Variants in PNPLA7 observed in about 807,000 individuals in gnomAD.
The protein encoded by PNPLA7 is patatin-like phospholipase domain-containing protein 7.
Under a neutral mutation model 161.7 loss-of-function variants are expected in PNPLA7, and 153 were observed. That is an observed-to-expected ratio of 0.95 (90% CI 0.83 to 1.08). The LOEUF is 1.08. PNPLA7 is among the 50% of genes least tolerant of loss of function. The pLI is 0.00. For missense variants in PNPLA7, 1,739 were observed against 1,856.6 expected, an observed-to-expected ratio of 0.94 and a Z score of 1.16; for synonymous variants, 809 against 782.1, an observed-to-expected ratio of 1.03 and a Z score of -0.57.
rs1196354176 is a variant in PNPLA7 at position 137,499,563 on chromosome 9, C to T, written c.1757+1128G>A. ...GTGGAGGGACCGGGACTTGGAGCCTCAGTCTCCCCATCAGCACGCTGCGGT... is the reference window on the plus strand; with the variant it reads ...GTGGAGGGACCGGGACTTGGAGCCTTAGTCTCCCCATCAGCACGCTGCGGT... On this transcript the variant is annotated intron_variant, in intron 16 of 34. Transcript: ENST00000406427. This position sits in a 1 kb window ranked among gnomAD's most constrained non-coding sequence, Gnocchi z 5.5. 6.6e-6 allele frequency among the ~76,000 whole-genome samples: 1 copy of T among 152,198 alleles called. No homozygotes were observed.
rs183064535 is a variant in PNPLA7, at chr9:137,522,100, T to A, written c.877-384A>T. Among the ~76,000 whole-genome samples the A allele has an allele frequency of 3.3e-3, 496 of 152,278 alleles. 5 individuals are homozygous for A. The highest frequency in any genetic ancestry group is 3.1e-3 in the East Asian group (16 of 5,186). On this transcript the variant is annotated intron_variant, in intron 9 of 34. Coordinates refer to ENST00000406427, the MANE Select transcript of PNPLA7 (RefSeq NM_001098537.3). ...ATATTACAATTTTTTTTTGACATGG[T>A]GTCTCGCTATGCCGCCCAGGCTGGA...
At chr9:137,498,034 G>A (rs572360001) in intron 17 of PNPLA7, 80 bp downstream of exon 17, 93 of 1,554,452 alleles carry the variant, frequency 6.0e-5, no homozygotes, top group Admixed American at 1.2e-4. Flanking sequence ...TGGTTTCCAC[G>A]GTAACCGTGC....
chr9:137,517,207 C>A (rs1343596299), intron 11 of PNPLA7, among the ~76,000 whole-genome samples: 1 of 129,218 alleles, frequency 7.7e-6, no homozygotes, highest in Admixed American at 7.4e-5. Context: ...CTCCATCCCC[C>A]GTCACTCACT....
rs553076995 is a variant in PNPLA7 at position 137,523,224 on chromosome 9, C to A, written c.748-367G>T. ...TCTACGTCCGACATCAGCGTCGGTACCCCTCGCCAAAGGGCGTGCCAGACA... is the reference window on the plus strand; with the variant it reads ...TCTACGTCCGACATCAGCGTCGGTAACCCTCGCCAAAGGGCGTGCCAGACA... On this transcript the variant is annotated intron_variant, in intron 8 of 34. Transcript: ENST00000406427. The surrounding 1 kb of genome is among the most constrained non-coding windows in gnomAD (Gnocchi z 4.4). Among the ~76,000 whole-genome samples, 26 of 152,266 alleles carry A rather than the reference C, an allele frequency of 1.7e-4. No homozygotes were observed. The East Asian group carries it at 2.7e-3, about 16-fold the overall frequency.
At chr9:137,536,278 G>A (rs1275470605) in intron 8 of PNPLA7, among the ~76,000 whole-genome samples, 1 of 152,166 alleles carries the variant, frequency 6.6e-6, no homozygotes, top group African/African-American at 2.4e-5. Flanking sequence ...GGAAGTGAAT[G>A]GAGGATTTGC....
At chr9:137,503,755 A>G (rs1364609969) in intron 14 of PNPLA7, among the ~76,000 whole-genome samples, 21 of 69,664 alleles carry the variant, frequency 3.0e-4, no homozygotes, top group African/African-American at 1.4e-3. Context: ...AAGAAGAAAG[A>G]AAAGAAAGAA....
chr9:137,483,769 T>C (rs1414161281), intron 21 of PNPLA7, among the ~76,000 whole-genome samples: 1 of 151,942 alleles, frequency 6.6e-6, no homozygotes, highest in African/African-American at 2.4e-5. Context: ...GAATAACTTA[T>C]AAGTATTCGA....
rs139090762 is a variant in PNPLA7 at position 137,522,127 on chromosome 9, T to A, written c.877-411A>T. Among the ~76,000 whole-genome samples the A allele has an allele frequency of 9.6e-3, 1,462 of 152,302 alleles. 13 individuals carry two copies. Among genetic ancestry groups the A allele is most frequent in the Non-Finnish European group, 0.014 (966 of 68,020 alleles). ...TCTCGCTATGCCGCCCAGGCTGGAG[T>A]GCAGTGGCACCATCTCGGCTCACTG... On this transcript the variant is annotated intron_variant, in intron 9 of 34. Coordinates refer to ENST00000406427, the MANE Select transcript of PNPLA7 (RefSeq NM_001098537.3).
At chr9:137,478,387 AAGAGAGTGGGCCCGGGTGGGGGGCC>A (rs1390412591) in intron 24 of PNPLA7, 41 of 373,538 alleles carry the variant, frequency 1.1e-4, no homozygotes, top group East Asian at 2.7e-4. Context: ...GTACGTGGGC[AAGAGAGTGGGCCCGGGTGGGGGGCC>A]AGAGAGTGGG....
intron 12 of PNPLA7, chr9:137,509,234 C>T (rs1834075639): frequency 6.5e-6 from 1 of 154,914 alleles, no homozygotes; most frequent in African/African-American, 2.4e-5. Context: ...GTGAGTTTAG[C>T]TGGCGTGAAT....
At chr9:137,511,432 C>T (rs979778034) in intron 12 of PNPLA7, among the ~76,000 whole-genome samples, 9 of 147,446 alleles carry the variant, frequency 6.1e-5, no homozygotes, top group African/African-American at 7.6e-5. Flanking sequence ...CTTGGCCTGG[C>T]GGTAGCGCCA....
chr9:137,482,354 C>A (rs1034168462), intron 21 of PNPLA7, among the ~76,000 whole-genome samples: 1 of 152,228 alleles, frequency 6.6e-6, no homozygotes, highest in Non-Finnish European at 1.5e-5. Context: ...AGTAGATGAA[C>A]AGATCAACTG....
In PNPLA7 at chr9:137,540,789, T is replaced by C. The variant is rs1836157883; in HGVS notation, c.667-67A>G. On this transcript the variant is annotated intron_variant, in intron 7 of 34. Transcript: ENST00000406427. This position sits in a 1 kb window ranked among gnomAD's most constrained non-coding sequence, Gnocchi z 5.1. ...TGCGACCGCGGGGCCTGGCGGAGGC[T>C]CAGCCCAGCCCAGGGCAGTGGGGCC... 4.1e-6 allele frequency: 6 copies of C among 1,461,266 alleles called. No individual in the cohort carries two copies. The highest frequency in any genetic ancestry group is 5.6e-6 in the Non-Finnish European group (6 of 1,069,068). The allele number at this position is 1,461,266 out of a possible 1,614,324, so 90.5% of individuals were successfully genotyped here. A position where few individuals can be genotyped will look rare whatever the true frequency, so the allele number is the denominator to read the frequency against.
chr9:137,528,000 A>G (rs28875616), intron 8 of PNPLA7, among the ~76,000 whole-genome samples: 35,725 of 152,132 alleles, frequency 0.23, 4,852 homozygotes, highest in East Asian at 0.67. Context: ...GAATTTGTCA[A>G]TTTAATCTGC....
At chr9:137,472,828 G>A (rs774277663) in intron 25 of PNPLA7, among the ~76,000 whole-genome samples, 1 of 151,608 alleles carries the variant, frequency 6.6e-6, no homozygotes, top group Non-Finnish European at 1.5e-5. Context: ...GGTGCCACAT[G>A]CCTATAATCC....
chr9:137,506,141 G>T, intron 12 of PNPLA7, 58 bp from the exon 13 acceptor site: 1 of 1,449,102 alleles, frequency 6.9e-7, no homozygotes, highest in Non-Finnish European at 9.5e-7. Context: ...ACAAACGTCC[G>T]CGGTGTGGGC....
At chr9:137,498,392 C>A (rs561787755) in intron 16 of PNPLA7, 147 bp from the exon 17 acceptor site, 2 of 1,230,788 alleles carry the variant, frequency 1.6e-6, no homozygotes, top group African/African-American at 3.0e-5. Context: ...GGACGGGGCA[C>A]GCACCAGTCA....
At chr9:137,463,719 C>T (rs1351165464) in intron 28 of PNPLA7, among the ~76,000 whole-genome samples, 188 bp from the exon 29 acceptor site, 1 of 152,122 alleles carries the variant, frequency 6.6e-6, no homozygotes, top group Non-Finnish European at 1.5e-5. Flanking sequence ...CACTGCATTA[C>T]ATGTGCCCAG....
chr9:137,523,788 G>A lies in PNPLA7; in HGVS notation c.748-931C>T, dbSNP rs1023947524. On this transcript the variant is annotated intron_variant, in intron 8 of 34. Coordinates refer to ENST00000406427, the MANE Select transcript of PNPLA7 (RefSeq NM_001098537.3). The surrounding 1 kb of genome is among the most constrained non-coding windows in gnomAD (Gnocchi z 4.4). ...GCTACAAGCGCCCGCCACCACGCCC[G>A]GCTAATTTGTTTTTTGAATTTTTAG... is the stretch of plus-strand genomic sequence containing the variant. Among the ~76,000 whole-genome samples, 2 of 152,160 alleles carry A rather than the reference G, an allele frequency of 1.3e-5. No individual in the cohort carries two copies. Among genetic ancestry groups the A allele is most frequent in the African/African-American group, 2.4e-5 (1 of 41,522 alleles).
Sources: allele counts gnomAD v4.1 joint callset (sites outside exome capture counted in the v4.1 genomes callset), GRCh38; gene constraint gnomAD v4.1.1; non-coding constraint Gnocchi (gnomAD v3.1); transcripts MANE v1.5; gene names NCBI Gene and HGNC (gene_info 2026-07-23, HGNC 2026-07-21).